Variants in KDM4C observed in about 807,000 individuals in gnomAD.
KDM4C encodes the protein lysine-specific demethylase 4C.
In KDM4C, 81 loss-of-function variants were observed where a neutral mutation model predicts 129.3. The ratio of observed to expected loss-of-function variants is 0.63; its 90% confidence interval spans 0.52 to 0.75. The LOEUF (loss-of-function observed/expected upper bound fraction) is 0.75, where lower values mean the gene tolerates loss of function less well. Ranked by LOEUF, KDM4C falls within the 30% of genes least tolerant of loss-of-function variation. The probability of loss-of-function intolerance (pLI) is 0.00; values close to 1 mark genes in which losing one functional copy is unlikely to be tolerated. For missense variants in KDM4C, 1,457 were observed against 1,304.0 expected (o/e 1.12, Z -1.81); for synonymous variants, 573 against 456.1 (o/e 1.26, Z -3.26).
intron 13 of KDM4C, 82 bp downstream of exon 13, chr9:7,011,961 G>T: frequency 8.3e-7 from 1 of 1,206,032 alleles, no homozygotes; most frequent in East Asian, 2.4e-5. Context: ...GTAAATTGTT[G>T]TGGGCTTCCT....
chr9:7,071,988 A>G lies in KDM4C; in HGVS notation c.2424+22788A>G, dbSNP rs1833260347. On this transcript the variant is annotated intron_variant, in intron 17 of 21. Transcript: ENST00000381309. ...CAACAATAAAAGAACCTTATAAAAA[A>G]CTGCAAAATTTTATCTTACACTTCA... Among the ~76,000 whole-genome samples the G allele has an allele frequency of 3.3e-5, 5 of 152,280 alleles. No individual in the cohort carries two copies. In the South Asian group the frequency reaches 1.0e-3, roughly 32 times the overall value.
intron 18 of KDM4C, among the ~76,000 whole-genome samples, chr9:7,122,475 A>C (rs557937484): frequency 1.3e-5 from 2 of 152,288 alleles, no homozygotes; most frequent in Non-Finnish European, 1.5e-5. Flanking sequence ...ATGGGAGAGC[A>C]CTGCTCTAGA....
chr9:6,801,766 C>T (rs1829030311), intron 2 of KDM4C, among the ~76,000 whole-genome samples: 2 of 151,796 alleles, frequency 1.3e-5, no homozygotes, highest in Non-Finnish European at 2.9e-5. Context: ...CCCAACAATG[C>T]AATAGTAAAA....
Position 6,777,287 on chromosome 9 carries a change from C to T in KDM4C, c.-17-15685C>T, listed in dbSNP as rs372169296. 4.6e-5 allele frequency among the ~76,000 whole-genome samples: 7 copies of T among 152,308 alleles called. No homozygotes were observed. In the East Asian group the frequency reaches 7.7e-4, roughly 17 times the overall value. On this transcript the variant is annotated intron_variant, in intron 1 of 21. Transcript: ENST00000381309. ...GCTCTCTACTCCTTTCTGCCACTTA[C>T]GTTCTCAGCAAAACCTCAGTAACTG...
intron 17 of KDM4C, among the ~76,000 whole-genome samples, chr9:7,079,522 A>G (rs1019849861): frequency 1.3e-5 from 2 of 152,198 alleles, no homozygotes; most frequent in Admixed American, 1.3e-4. Flanking sequence ...GTGTTTCGCC[A>G]TGTTGGCCAG....
At chr9:7,010,534 A>C (rs550044635) in intron 12 of KDM4C, among the ~76,000 whole-genome samples, 1 of 152,352 alleles carries the variant, frequency 6.6e-6, no homozygotes, top group East Asian at 1.9e-4. Flanking sequence ...ATTGCTCTAC[A>C]GTATTTATTG....
At chr9:7,168,192 A>AAAAAACC (rs1844600800) in intron 20 of KDM4C, among the ~76,000 whole-genome samples, 1 of 152,174 alleles carries the variant, frequency 6.6e-6, no homozygotes, top group African/African-American at 2.4e-5. Context: ...CCGTCTCAAG[A>AAAAAACC]GAAAACCAAA....
intron 19 of KDM4C, among the ~76,000 whole-genome samples, chr9:7,151,606 C>G (rs576477358): frequency 1.3e-5 from 2 of 152,278 alleles, no homozygotes; most frequent in South Asian, 4.2e-4. Flanking sequence ...GCCCGGGAAG[C>G]CAAGGCTGCA....
At chr9:7,136,026 G>A (rs756629814) in intron 19 of KDM4C, among the ~76,000 whole-genome samples, 7 of 152,166 alleles carry the variant, frequency 4.6e-5, no homozygotes, top group African/African-American at 4.8e-5. Flanking sequence ...GTAAATTCGG[G>A]GAATGAAGCA....
intron 1 of KDM4C, among the ~76,000 whole-genome samples, chr9:6,739,722 G>T (rs965908509): frequency 2.0e-5 from 3 of 151,520 alleles, no homozygotes; most frequent in African/African-American, 7.3e-5. Context: ...AAGCTGGAAG[G>T]AATGTGGCTC....
intron 8 of KDM4C, among the ~76,000 whole-genome samples, chr9:6,969,956 AACAAGCTACCGAC>A (rs1452748012): frequency 6.6e-6 from 1 of 152,320 alleles, no homozygotes; most frequent in East Asian, 1.9e-4. Flanking sequence ...TCTGTAGGAT[AACAAGCTACCGAC>A]ACATTCCCAC....
At chr9:6,915,546 A>G (rs190964575) in intron 8 of KDM4C, among the ~76,000 whole-genome samples, 1 of 152,352 alleles carries the variant, frequency 6.6e-6, no homozygotes, top group Non-Finnish European at 1.5e-5. Context: ...TTTGACACAT[A>G]TTATGCTATT....
intron 4 of KDM4C, among the ~76,000 whole-genome samples, chr9:6,815,500 C>T (rs1187008861): frequency 1.3e-5 from 2 of 152,078 alleles, no homozygotes; most frequent in Non-Finnish European, 2.9e-5. Context: ...GAGGTGTGAA[C>T]CACCAGGCCT....
chr9:6,921,677 G>A (rs1393112862), intron 8 of KDM4C, among the ~76,000 whole-genome samples: 1 of 152,110 alleles, frequency 6.6e-6, no homozygotes, highest in Non-Finnish European at 1.5e-5. Context: ...GTCAGATTGT[G>A]TATACTTCTG....
At chr9:6,923,910 GA>G (rs1174957269) in intron 8 of KDM4C, among the ~76,000 whole-genome samples, 2 of 152,222 alleles carry the variant, frequency 1.3e-5, no homozygotes, top group East Asian at 3.8e-4. Flanking sequence ...AGGAATCTGA[GA>G]AGAGACCGAT....
intron 19 of KDM4C, among the ~76,000 whole-genome samples, chr9:7,130,076 G>T (rs1840450783): frequency 1.3e-5 from 2 of 152,198 alleles, no homozygotes; most frequent in Non-Finnish European, 2.9e-5. Flanking sequence ...GTAGAATGAG[G>T]CCCCTGGACT....
At chr9:6,948,011 T>C (rs1192398990) in intron 8 of KDM4C, 1 of 152,216 alleles carries the variant, frequency 6.6e-6, no homozygotes, top group Non-Finnish European at 1.5e-5. Context: ...TAAGTGTAAT[T>C]TGATTTCCTG....
chr9:6,782,469 C>T (rs1032382843), intron 1 of KDM4C, among the ~76,000 whole-genome samples: 1 of 152,276 alleles, frequency 6.6e-6, no homozygotes, highest in Non-Finnish European at 1.5e-5. Context: ...TGGTCCCTCT[C>T]TCAATGGAGT....
chr9:6,856,679 C>A (rs994666258), intron 5 of KDM4C, among the ~76,000 whole-genome samples: 6 of 151,370 alleles, frequency 4.0e-5, no homozygotes, highest in African/African-American at 1.5e-4. Flanking sequence ...CTCAAGTGAT[C>A]CTCCCACTTC....
Sources: allele counts gnomAD v4.1 joint callset (sites outside exome capture counted in the v4.1 genomes callset), GRCh38; gene constraint gnomAD v4.1.1; transcripts MANE v1.5; gene names NCBI Gene and HGNC (gene_info 2026-07-23, HGNC 2026-07-21).